The following NPAS3 variants were observed in gnomAD, a reference collection of about 807,000 sequenced individuals.
The protein encoded by NPAS3 is neuronal PAS domain-containing protein 3.
In NPAS3, 14 loss-of-function variants were observed where a neutral mutation model predicts 73.1. The observed-to-expected ratio is 0.19, with a 90% CI of 0.13 to 0.30. NPAS3 has a LOEUF of 0.30. Among genes scored for constraint, NPAS3 ranks in the 10% least tolerant of loss-of-function variants. NPAS3 has a pLI of 1.00. For synonymous variants in NPAS3, 620 were observed against 541.5 expected, an observed-to-expected ratio of 1.14 and a Z score of -2.01; for missense variants, 1,096 against 1,250.0, an observed-to-expected ratio of 0.88 and a Z score of 1.86.
chr14:33,414,295 A>G (rs1353010783), intron 4 of NPAS3, among the ~76,000 whole-genome samples: 3 of 152,124 alleles, frequency 2.0e-5, no homozygotes, highest in Non-Finnish European at 4.4e-5. Flanking sequence ...ACAAGAGTTC[A>G]GTTGGTGGGG....
intron 3 of NPAS3, among the ~76,000 whole-genome samples, chr14:33,231,024 A>G (rs2139771674): frequency 6.6e-6 from 1 of 152,322 alleles, no homozygotes; most frequent in African/African-American, 2.4e-5. Flanking sequence ...GTGACCTGCT[A>G]GATCATACTT....
intron 3 of NPAS3, among the ~76,000 whole-genome samples, chr14:33,251,555 C>A (rs758243138): frequency 6.6e-6 from 1 of 152,038 alleles, no homozygotes; most frequent in Non-Finnish European, 1.5e-5. Context: ...TCATCTGCGT[C>A]CTTAATCCAA....
At chr14:33,683,298 T>C (rs2059992370) in intron 6 of NPAS3, among the ~76,000 whole-genome samples, 2 of 151,914 alleles carry the variant, frequency 1.3e-5, no homozygotes, top group African/African-American at 4.8e-5. Flanking sequence ...TTAACAGTTT[T>C]TTCATACAGC....
intron 4 of NPAS3, among the ~76,000 whole-genome samples, chr14:33,443,123 CAA>C (rs1270405943): frequency 6.6e-6 from 1 of 152,134 alleles, no homozygotes; most frequent in East Asian, 1.9e-4. Flanking sequence ...TTCCTTTACT[CAA>C]GTTATTATTG....
At chr14:33,456,124 A>G (rs1002727555) in intron 4 of NPAS3, among the ~76,000 whole-genome samples, 2 of 152,188 alleles carry the variant, frequency 1.3e-5, no homozygotes, top group Non-Finnish European at 2.9e-5. Context: ...AGGGTTTAGG[A>G]AGGTTAAATC....
chr14:33,663,818 T>C (rs1474384250), intron 5 of NPAS3, among the ~76,000 whole-genome samples: 2 of 152,216 alleles, frequency 1.3e-5, no homozygotes, highest in Non-Finnish European at 2.9e-5. Flanking sequence ...CTAGATTTTC[T>C]ATTTTATTTG....
chr14:33,254,779 C>A (rs1311977533), intron 3 of NPAS3, among the ~76,000 whole-genome samples: 3 of 152,054 alleles, frequency 2.0e-5, no homozygotes, highest in Admixed American at 6.6e-5. Flanking sequence ...GGCCAAAATT[C>A]TAGAGGAATT....
chr14:33,414,633 A>C (rs1233656907), intron 4 of NPAS3, among the ~76,000 whole-genome samples: 1 of 152,082 alleles, frequency 6.6e-6, no homozygotes, highest in Non-Finnish European at 1.5e-5. Context: ...CCTTAGTTTA[A>C]ATTTTTGGGG....
intron 2 of NPAS3, among the ~76,000 whole-genome samples, chr14:33,127,431 GA>G (rs2043468002): frequency 1.3e-5 from 2 of 152,084 alleles, no homozygotes; most frequent in East Asian, 1.9e-4. Flanking sequence ...TACACTTAAT[GA>G]TGTTTGTAGT....
chr14:33,499,507 C>T (rs2052407710), intron 4 of NPAS3, among the ~76,000 whole-genome samples: 1 of 151,716 alleles, frequency 6.6e-6, no homozygotes, highest in African/African-American at 2.4e-5. Context: ...TTTCTTCAGC[C>T]AACTGATGAA....
intron 9 of NPAS3, among the ~76,000 whole-genome samples, chr14:33,784,354 G>A (rs1217169642): frequency 6.6e-6 from 1 of 152,344 alleles, no homozygotes; most frequent in East Asian, 1.9e-4. Context: ...AATAGAGAAG[G>A]CAGCATGAAA....
chr14:33,672,225 C>G (rs1002486937), intron 5 of NPAS3, among the ~76,000 whole-genome samples: 12 of 152,128 alleles, frequency 7.9e-5, no homozygotes, highest in Non-Finnish European at 1.6e-4. Flanking sequence ...CAATCCCATC[C>G]TCAGCTAAAC....
intron 4 of NPAS3, among the ~76,000 whole-genome samples, chr14:33,409,981 T>A (rs142188741): frequency 1.5e-3 from 224 of 152,276 alleles, no homozygotes; most frequent in African/African-American, 5.2e-3. Context: ...AAGCTGTGGA[T>A]GATTGAAATA....
chr14:33,017,788 T>C (rs1461816925), intron 1 of NPAS3, among the ~76,000 whole-genome samples: 1 of 152,150 alleles, frequency 6.6e-6, no homozygotes, highest in Non-Finnish European at 1.5e-5. Context: ...ACTAAGTGTT[T>C]TATATGTGAA....
At chr14:33,416,508 T>C (rs1033101459) in intron 4 of NPAS3, among the ~76,000 whole-genome samples, 7 of 151,966 alleles carry the variant, frequency 4.6e-5, no homozygotes, top group Non-Finnish European at 8.8e-5. Context: ...TGTAATAAAA[T>C]ACAGTCTTTG....
chr14:33,785,178 G>A (rs2063131006), intron 9 of NPAS3, among the ~76,000 whole-genome samples: 1 of 151,548 alleles, frequency 6.6e-6, no homozygotes, highest in African/African-American at 2.4e-5. Context: ...GCTCATGCTT[G>A]TAATCCCAGC....
chr14:33,128,256 G>C (rs2043503158), intron 2 of NPAS3, among the ~76,000 whole-genome samples: 1 of 152,112 alleles, frequency 6.6e-6, no homozygotes, highest in African/African-American at 2.4e-5. Flanking sequence ...AATCAAATTG[G>C]TTTATGTACT....
chr14:33,061,348 G>A (rs955986574), intron 2 of NPAS3, among the ~76,000 whole-genome samples: 2 of 152,146 alleles, frequency 1.3e-5, no homozygotes, highest in Non-Finnish European at 2.9e-5. Flanking sequence ...AAATAACAAA[G>A]GATTGAGAAA....
intron 1 of NPAS3, among the ~76,000 whole-genome samples, chr14:32,972,723 C>G (rs2037489038): frequency 1.3e-5 from 2 of 152,068 alleles, no homozygotes; most frequent in Non-Finnish European, 2.9e-5. Context: ...CAGAGTAGAT[C>G]CTTCATATTT....
Sources: allele counts gnomAD v4.1 joint callset (sites outside exome capture counted in the v4.1 genomes callset), GRCh38; gene constraint gnomAD v4.1.1; transcripts MANE v1.5; gene names NCBI Gene and HGNC (gene_info 2026-07-23, HGNC 2026-07-21).